Variants in NTM observed in about 807,000 individuals in gnomAD.
NTM encodes neurotrimin.
NTM carries 13 observed loss-of-function variants against 42.1 expected under a neutral mutation model. The observed-to-expected ratio is 0.31, with a 90% confidence interval of 0.20 to 0.49. The LOEUF is 0.49. NTM is among the 20% of genes least tolerant of loss of function. The probability of loss-of-function intolerance (pLI) is 0.99; values close to 1 mark genes in which losing one functional copy is unlikely to be tolerated. For synonymous variants in NTM, 187 were observed against 179.2 expected (o/e 1.04, Z -0.35); for missense variants, 373 against 452.8 (o/e 0.82, Z 1.60).
intron 1 of NTM, among the ~76,000 whole-genome samples, chr11:131,564,922 TGC>T (rs1467746564): frequency 1.1e-4 from 17 of 152,366 alleles, no homozygotes; most frequent in African/African-American, 4.1e-4. Context: ...CCTCTACGTC[TGC>T]CCATGTGTGC....
At chr11:131,503,442 G>A (rs1053186585) in intron 1 of NTM, among the ~76,000 whole-genome samples, 1 of 152,184 alleles carries the variant, frequency 6.6e-6, no homozygotes, top group Non-Finnish European at 1.5e-5. Flanking sequence ...GACAGCAGAA[G>A]GTGGAGGAAA....
chr11:132,284,528 G>C (rs575578451), intron 4 of NTM, among the ~76,000 whole-genome samples: 1 of 152,042 alleles, frequency 6.6e-6, no homozygotes, highest in East Asian at 1.9e-4. Flanking sequence ...TGCGATACTG[G>C]GACCCTGCTT....
chr11:132,174,764 G>A lies in NTM; in HGVS notation c.400+28250G>A, dbSNP rs1005099185. ...ATGGCCTCTCGGGGTTGCTGGAGTC[G>A]TGCATTTAAACCACGATCGCCTTGG... is the stretch of plus-strand genomic sequence containing the variant. On this transcript the variant is annotated intron_variant, in intron 3 of 8. Coordinates refer to ENST00000683400, the MANE Select transcript of NTM (RefSeq NM_001352005.2). Among the ~76,000 whole-genome samples the A allele has an allele frequency of 9.2e-5, 14 of 152,062 alleles. No homozygotes were observed. The East Asian group carries it at 9.7e-4, about 11-fold the overall frequency.
chr11:131,628,438 C>G (rs989733559), intron 1 of NTM, among the ~76,000 whole-genome samples: 1 of 152,200 alleles, frequency 6.6e-6, no homozygotes, highest in Admixed American at 6.5e-5. Flanking sequence ...TAAACATTCT[C>G]AAGCCCTTTG....
chr11:131,486,907 G>T (rs1591806398), intron 1 of NTM, among the ~76,000 whole-genome samples: 2 of 152,286 alleles, frequency 1.3e-5, no homozygotes, highest in South Asian at 4.1e-4. Context: ...CATAAATAAT[G>T]CATAATGCCC....
chr11:131,525,619 G>C (rs111385369), intron 1 of NTM, among the ~76,000 whole-genome samples: 75 of 152,286 alleles, frequency 4.9e-4, no homozygotes, highest in Admixed American at 1.9e-3. Flanking sequence ...TTCACTGTGT[G>C]AATGAATGAA....
intron 1 of NTM, among the ~76,000 whole-genome samples, chr11:131,533,517 A>G (rs2136691953): frequency 6.6e-6 from 1 of 152,330 alleles, no homozygotes; most frequent in Admixed American, 6.5e-5. Flanking sequence ...CTCAATCAGG[A>G]AAAGCAAAGT....
intron 1 of NTM, among the ~76,000 whole-genome samples, chr11:131,691,206 C>G (rs2074646832): frequency 6.6e-6 from 1 of 152,186 alleles, no homozygotes; most frequent in Admixed American, 6.5e-5. Context: ...ACGGCCCGTC[C>G]CCCCGCAGTG....
chr11:131,801,192 C>T (rs1219107159), intron 1 of NTM, among the ~76,000 whole-genome samples: 1 of 152,150 alleles, frequency 6.6e-6, no homozygotes, highest in Admixed American at 6.5e-5. Flanking sequence ...GGAGAAAGAG[C>T]AGAGGAATGT....
At chr11:131,477,602 C>CCTGTTCTCCTTACTCT (rs1311496804) in intron 1 of NTM, among the ~76,000 whole-genome samples, 3 of 151,832 alleles carry the variant, frequency 2.0e-5, no homozygotes, top group African/African-American at 7.3e-5. Flanking sequence ...TCATATCCAC[C>CCTGTTCTCCTTACTCT]CTGTTCTCCT....
At chr11:131,616,500 G>A (rs1034929568) in intron 1 of NTM, among the ~76,000 whole-genome samples, 2 of 152,144 alleles carry the variant, frequency 1.3e-5, no homozygotes, top group East Asian at 1.9e-4. Flanking sequence ...ATGGGCCCAG[G>A]GAAATCTGTC....
chr11:131,760,359 G>A (rs1208645789), intron 1 of NTM, among the ~76,000 whole-genome samples: 1 of 152,080 alleles, frequency 6.6e-6, no homozygotes, highest in African/African-American at 2.4e-5. Flanking sequence ...ATGATGTCTG[G>A]TGTATGTTGT....
intron 1 of NTM, among the ~76,000 whole-genome samples, chr11:131,627,215 T>G (rs1484449757): frequency 6.7e-6 from 1 of 149,106 alleles, no homozygotes; most frequent in South Asian, 2.1e-4. Flanking sequence ...AGCAGGCGGC[T>G]TTTATTTATT....
chr11:132,134,284 G>A (rs12788297), intron 2 of NTM, among the ~76,000 whole-genome samples: 59,668 of 151,710 alleles, frequency 0.39, 12,563 homozygotes, highest in Middle Eastern at 0.51. Flanking sequence ...CCTCTTTTCT[G>A]TTTATTCAGC....
At chr11:131,686,949 G>A (rs1323080619) in intron 1 of NTM, among the ~76,000 whole-genome samples, 1 of 152,240 alleles carries the variant, frequency 6.6e-6, no homozygotes, top group Admixed American at 6.5e-5. Flanking sequence ...ACACTGGAGT[G>A]AAGCGGCGCC....
intron 1 of NTM, among the ~76,000 whole-genome samples, chr11:131,408,719 C>A: frequency 6.6e-6 from 1 of 152,116 alleles, no homozygotes; most frequent in East Asian, 1.9e-4. Flanking sequence ...TAACTCAAGC[C>A]CAAGTTCATC....
At position 132,293,549 on chromosome 11, in the gene NTM, C is replaced by T. The variant is rs55900785; in HGVS notation, c.527-14140C>T. Reference sequence around the variant, plus strand: ...TCCGATGAAGGGTTATATGAAACAGCGGGTGTGAGACTACAGGAAATCATA... The same window carrying T: ...TCCGATGAAGGGTTATATGAAACAGTGGGTGTGAGACTACAGGAAATCATA... On this transcript the variant is annotated intron_variant, in intron 4 of 8. Coordinates refer to ENST00000683400, the MANE Select transcript of NTM (RefSeq NM_001352005.2). 1.1e-4 allele frequency among the ~76,000 whole-genome samples: 16 copies of T among 152,076 alleles called. No individual in the cohort carries two copies. The East Asian group carries it at 1.5e-3, about 15-fold the overall frequency.
At chr11:131,729,951 C>A (rs898177403) in intron 1 of NTM, among the ~76,000 whole-genome samples, 1 of 152,040 alleles carries the variant, frequency 6.6e-6, no homozygotes, top group Non-Finnish European at 1.5e-5. Flanking sequence ...TTCTCTCGGG[C>A]ATATATGTAG....
rs148830000 is a variant in NTM at position 132,081,241 on chromosome 11, T to G, written c.168-65041T>G. ...AGAATGGATAATTAGAAATTTGTCA[T>G]GTGGAAATCAAACACACATGCATAC... On this transcript the variant is annotated intron_variant, in intron 2 of 8. Coordinates refer to ENST00000683400, the MANE Select transcript of NTM (RefSeq NM_001352005.2). Among the ~76,000 whole-genome samples, 955 of 152,312 alleles carry G rather than the reference T, an allele frequency of 6.3e-3. 15 individuals are homozygous for G. Among genetic ancestry groups the G allele is most frequent in the African/African-American group, 0.022 (902 of 41,572 alleles).
Sources: gnomAD v4.1 joint callset for allele counts (sites outside exome capture counted in the v4.1 genomes callset) on GRCh38, gnomAD v4.1.1 for gene constraint, MANE v1.5 for transcripts, NCBI Gene and HGNC (gene_info 2026-07-23, HGNC 2026-07-21) for gene names.